Variants in STXBP5L observed in about 807,000 individuals in gnomAD.
STXBP5L encodes the protein syntaxin binding protein 5L, also known as syntaxin-binding protein 5-like.
Under a neutral mutation model 144.5 loss-of-function variants are expected in STXBP5L, and 65 were observed. The observed-to-expected ratio is 0.45, with a 90% confidence interval of 0.37 to 0.55. STXBP5L has a LOEUF of 0.55. STXBP5L is among the 20% of genes least tolerant of loss of function. STXBP5L has a pLI of 0.00. For missense variants in STXBP5L, 1,298 were observed against 1,405.5 expected, an observed-to-expected ratio of 0.92 and a Z score of 1.22; for synonymous variants, 505 against 469.6, an observed-to-expected ratio of 1.08 and a Z score of -0.97.
intron 9 of STXBP5L, chr3:121,158,789 T>C (rs1376666003): frequency 6.6e-6 from 1 of 152,200 alleles, no homozygotes; most frequent in African/African-American, 2.4e-5. Context: ...AGTCATAAAT[T>C]TTCTACTTAC....
At chr3:121,017,071 C>G (rs943925053) in intron 3 of STXBP5L, among the ~76,000 whole-genome samples, 10 of 151,938 alleles carry the variant, frequency 6.6e-5, no homozygotes, top group African/African-American at 2.4e-4. Flanking sequence ...CAACAATGTA[C>G]AAAAAGAATT....
chr3:121,005,409 A>G (rs543817385), intron 3 of STXBP5L, among the ~76,000 whole-genome samples: 2 of 152,238 alleles, frequency 1.3e-5, no homozygotes, highest in East Asian at 3.9e-4. Context: ...CCCCTTTATC[A>G]TGTTTTATTG....
At chr3:120,962,866 A>G (rs1939033289) in intron 3 of STXBP5L, among the ~76,000 whole-genome samples, 1 of 152,244 alleles carries the variant, frequency 6.6e-6, no homozygotes, top group African/African-American at 2.4e-5. Context: ...TACCTTGGGC[A>G]GTATAGCCAT....
intron 5 of STXBP5L, among the ~76,000 whole-genome samples, chr3:121,096,630 C>T (rs1002093710): frequency 9.9e-5 from 15 of 152,176 alleles, no homozygotes; most frequent in African/African-American, 3.6e-4. Flanking sequence ...TGCTGGAGGT[C>T]CACTACAGAC....
intron 20 of STXBP5L, among the ~76,000 whole-genome samples, chr3:121,359,813 T>C (rs1470529757): frequency 1.3e-5 from 2 of 151,674 alleles, no homozygotes; most frequent in Non-Finnish European, 2.9e-5. Context: ...AATATGTCTG[T>C]TTTTATGCCA....
chr3:121,179,347 A>C (rs1348040030), intron 9 of STXBP5L, among the ~76,000 whole-genome samples: 1 of 152,130 alleles, frequency 6.6e-6, no homozygotes, highest in African/African-American at 2.4e-5. Flanking sequence ...TAAAGCATAA[A>C]AAATCAAAAT....
intron 3 of STXBP5L, among the ~76,000 whole-genome samples, chr3:121,008,054 C>T (rs568127344): frequency 2.0e-5 from 3 of 152,044 alleles, no homozygotes; most frequent in East Asian, 3.9e-4. Context: ...TTTCCTTACT[C>T]TCATCCAGCA....
intron 3 of STXBP5L, among the ~76,000 whole-genome samples, chr3:121,037,278 T>C (rs1429742820): frequency 6.6e-6 from 1 of 151,642 alleles, no homozygotes; most frequent in African/African-American, 2.4e-5. Flanking sequence ...TGAAAGGCTC[T>C]ACTCTGTCAT....
rs1240999928 is a variant in STXBP5L at position 121,374,328 on chromosome 3, T to C, written c.2177-4388T>C. 2.0e-5 allele frequency among the ~76,000 whole-genome samples: 3 copies of C among 152,296 alleles called. No homozygotes were observed. The East Asian group carries it at 5.8e-4, about 29-fold the overall frequency. The stretch of plus-strand genomic sequence containing the variant: ...AAAAATATTTCTCTATGGAAGCTAC[T>C]TTATAAAATTGGGAAAAGTGACAGT... On this transcript the variant is annotated intron_variant, in intron 20 of 26. Transcript: ENST00000471454.
At chr3:121,100,754 A>T (rs1010013533) in intron 5 of STXBP5L, among the ~76,000 whole-genome samples, 5 of 152,002 alleles carry the variant, frequency 3.3e-5, no homozygotes, top group African/African-American at 1.2e-4. Flanking sequence ...TCAGTGCAGA[A>T]CTAAATGAAA....
intron 9 of STXBP5L, among the ~76,000 whole-genome samples, chr3:121,175,193 G>T (rs1242475967): frequency 6.6e-6 from 1 of 152,062 alleles, no homozygotes; most frequent in Non-Finnish European, 1.5e-5. Flanking sequence ...GATTCTCTCT[G>T]GGGAACAAAG....
At chr3:121,141,072 A>G (rs1011795199) in intron 7 of STXBP5L, among the ~76,000 whole-genome samples, 45 of 152,200 alleles carry the variant, frequency 3.0e-4, no homozygotes, top group African/African-American at 1.0e-3. Context: ...CGAAATTGAA[A>G]GAAAAGTATG....
intron 5 of STXBP5L, among the ~76,000 whole-genome samples, chr3:121,069,008 G>A (rs1044347676): frequency 1.2e-4 from 18 of 152,112 alleles, no homozygotes; most frequent in African/African-American, 4.3e-4. Flanking sequence ...ACTCGTGTGT[G>A]TGTGTGTATA....
intron 20 of STXBP5L, among the ~76,000 whole-genome samples, chr3:121,363,050 T>G (rs1331563407): frequency 6.6e-6 from 1 of 152,114 alleles, no homozygotes; most frequent in East Asian, 1.9e-4. Flanking sequence ...CGGCCTGGAA[T>G]AGGGGCCTCA....
chr3:121,233,547 A>C, intron 11 of STXBP5L, 69 bp from the exon 12 acceptor site: 1 of 1,154,760 alleles, frequency 8.7e-7, no homozygotes, highest in Non-Finnish European at 1.2e-6. Flanking sequence ...GGGATAAAGG[A>C]AATGCAATTT....
At chr3:121,106,651 C>T (rs1042185514) in intron 5 of STXBP5L, among the ~76,000 whole-genome samples, 1 of 152,042 alleles carries the variant, frequency 6.6e-6, no homozygotes, top group African/African-American at 2.4e-5. Context: ...CATTGATGGG[C>T]ATTTGGGTTG....
intron 10 of STXBP5L, among the ~76,000 whole-genome samples, chr3:121,222,438 G>A (rs563601221): frequency 6.6e-6 from 1 of 152,172 alleles, no homozygotes; most frequent in Admixed American, 6.6e-5. Context: ...TCTTTGATTA[G>A]CTATCCTTCT....
intron 20 of STXBP5L, among the ~76,000 whole-genome samples, chr3:121,319,886 G>T (rs910083056): frequency 6.6e-6 from 1 of 152,134 alleles, no homozygotes; most frequent in African/African-American, 2.4e-5. Flanking sequence ...GGAGGCCAAG[G>T]GGGGAGGATC....
intron 3 of STXBP5L, among the ~76,000 whole-genome samples, chr3:121,008,931 A>T (rs995043474): frequency 2.0e-5 from 3 of 149,362 alleles, no homozygotes; most frequent in South Asian, 2.1e-4. Flanking sequence ...AATATAATCA[A>T]TTTTTTTTTT....
Sources: allele counts gnomAD v4.1 joint callset (sites outside exome capture counted in the v4.1 genomes callset), GRCh38; gene constraint gnomAD v4.1.1; transcripts MANE v1.5; gene names NCBI Gene and HGNC (gene_info 2026-07-23, HGNC 2026-07-21).